The following SPEG variants were observed in gnomAD, a reference collection of about 807,000 sequenced individuals.
The protein encoded by SPEG is striated muscle preferentially expressed protein kinase.
A neutral mutation model predicts 300.4 loss-of-function variants in SPEG; 114 were observed. That is an observed-to-expected ratio of 0.38 (90% CI 0.33 to 0.44). The LOEUF (loss-of-function observed/expected upper bound fraction) is 0.44. Among genes scored for constraint, SPEG ranks in the 20% least tolerant of loss-of-function variants. The pLI is 1.00. For missense variants in SPEG, 4,201 were observed against 4,586.2 expected (o/e 0.92, Z 2.43); for synonymous variants, 1,964 against 2,018.9 (o/e 0.97, Z 0.73).
Position 219,449,240 on chromosome 2 carries a change from TCGC to T in SPEG, c.2085_2087del (p.Arg696del), listed in dbSNP as rs1689554358. The T allele has an allele frequency of 1.2e-5, 16 of 1,390,824 alleles. No homozygotes were observed. Among genetic ancestry groups the T allele is most frequent in the Non-Finnish European group, 1.5e-5 (16 of 1,073,466 alleles). 86.2% of individuals were successfully genotyped at this position (1,390,824 alleles called of 1,614,324 possible). A position where few individuals can be genotyped will look rare whatever the true frequency, so the allele number is the denominator to read the frequency against. ...GAGGGGCCCGCAGCCAGGGCAAAGG[TCGC>T]CGGGCCCGGCCCACCTCCCCTGAGC... On this transcript the variant is annotated inframe_deletion, in exon 4 of 41. Coordinates refer to ENST00000312358, the MANE Select transcript of SPEG (RefSeq NM_005876.5).
intron 6 of SPEG, chr2:219,461,097 A>C: frequency 1.1e-6 from 1 of 901,772 alleles, no homozygotes; most frequent in Non-Finnish European, 1.3e-6. Flanking sequence ...GCAGTCGGAT[A>C]GGAGCCAGCT....
At chr2:219,466,002 C>CGCGCGTGCGTGT in intron 9 of SPEG, 1 of 1,503,662 alleles carries the variant, frequency 6.7e-7, no homozygotes, top group Non-Finnish European at 9.2e-7. Context: ...CGCGTGCGTG[C>CGCGCGTGCGTGT]GCGTATGCTG....
In SPEG at chr2:219,489,138, G is replaced by T; in HGVS notation, c.8234G>T (p.Arg2745Met). Residue 2745 changes from arginine (R) to methionine (M), a missense_variant, in exon 35 of 41, where the codon AGG becomes ATG. Physicochemically the swap from Arg to Met is moderately conservative, Grantham distance 91. This residue lies in a region of SPEG where 1,578 missense variants were observed against 1,506.0 expected (regional missense o/e 1.05). Transcript: ENST00000312358. ...CACCTGCCAGTTGGCGTGACTGTGAGGTTCCGTGTGGCCTGTGCCAACCGT... is the reference window on the plus strand; with the variant it reads ...CACCTGCCAGTTGGCGTGACTGTGATGTTCCGTGTGGCCTGTGCCAACCGT... ...VTHLPVGVTV[R>M]FRVACANRAG... 3 of 1,614,008 alleles carry T rather than the reference G, an allele frequency of 1.9e-6. No homozygotes were observed. The highest frequency in any genetic ancestry group is 1.1e-5 in the South Asian group (1 of 91,090).
intron 6 of SPEG, among the ~76,000 whole-genome samples, chr2:219,455,725 G>T (rs1357159680): frequency 2.6e-5 from 4 of 152,178 alleles, no homozygotes; most frequent in Non-Finnish European, 4.4e-5. Context: ...CTCTGTGGGT[G>T]GGTCCGACTG....
intron 38 of SPEG, 102 bp from the exon 39 acceptor site, chr2:219,491,692 G>A (rs1693984733): frequency 1.1e-6 from 1 of 877,402 alleles, no homozygotes; most frequent in Non-Finnish European, 1.8e-6. Context: ...ATGGTCTGGT[G>A]ACCAGGACAT....
chr2:219,472,049 G>T, intron 14 of SPEG, 62 bp downstream of exon 14: 1 of 1,594,404 alleles, frequency 6.3e-7, no homozygotes, highest in Non-Finnish European at 8.5e-7. Flanking sequence ...CTACGTGGGG[G>T]CTCAGGGAAA....
chr2:219,491,899 C>G lies in SPEG; in HGVS notation c.9461+30C>G, dbSNP rs780690839. 9 of 1,559,368 alleles carry G rather than the reference C, an allele frequency of 5.8e-6. No homozygotes were observed. In the South Asian group the frequency reaches 1.1e-4, roughly 19 times the overall value. The stretch of plus-strand genomic sequence containing the variant: ...GTGTCCCCTACCCCACCGCAGCCCT[C>G]TCTGCCCATACAGTGAGCTCCCGGA... On this transcript the variant is annotated intron_variant, in intron 39 of 40. Transcript: ENST00000312358.
At position 219,451,231 on chromosome 2, in the gene SPEG, G is replaced by A; in HGVS notation, c.2209G>A (p.Ala737Thr). The A allele has an allele frequency of 2.5e-6, 4 of 1,613,860 alleles. No individual in the cohort carries two copies. The highest frequency in any genetic ancestry group is 1.1e-5 in the South Asian group (1 of 91,078). ...PLQNVVVAPG[A>T]DVLLKCIITA... is the part of the protein sequence containing the mutation. Reference sequence around the variant, plus strand: ...GCAGAATGTGGTGGTGGCACCAGGGGCAGATGTGCTGCTCAAGTGTATCAT... The same window carrying A: ...GCAGAATGTGGTGGTGGCACCAGGGACAGATGTGCTGCTCAAGTGTATCAT... Residue 737 changes from alanine to threonine, a missense_variant, in exon 5 of 41, where the codon GCA becomes ACA. Physicochemically the swap from Ala to Thr is moderately conservative, Grantham distance 58 (BLOSUM62 0). Coordinates refer to ENST00000312358, the MANE Select transcript of SPEG (RefSeq NM_005876.5). This position sits in a 1 kb window ranked among gnomAD's most constrained non-coding sequence, Gnocchi z 6.4.
intron 6 of SPEG, chr2:219,461,506 T>C: frequency 9.2e-7 from 1 of 1,092,858 alleles, no homozygotes; most frequent in Non-Finnish European, 1.1e-6. Flanking sequence ...CCCCTGCTTT[T>C]GGAGCCTGCA....
At position 219,464,670 on chromosome 2, in the gene SPEG, C is replaced by T. The variant is rs758070077; in HGVS notation, c.2881+62C>T. ...CCTGGCCCCTTCCTTCCCCCACTGT[C>T]TGCTCTCACACAGCCTCAGTTAGAG... On this transcript the variant is annotated intron_variant, in intron 9 of 40. Transcript: ENST00000312358. This position sits in a 1 kb window ranked among gnomAD's most constrained non-coding sequence, Gnocchi z 4.5. The T allele has an allele frequency of 6.5e-7, 1 of 1,533,600 alleles. No homozygotes were observed. The highest frequency in any genetic ancestry group is 9.0e-7 in the Non-Finnish European group (1 of 1,113,734). The allele number at this position is 1,533,600 out of a possible 1,614,324, so 95.0% of individuals were successfully genotyped here. A position where few individuals can be genotyped will look rare whatever the true frequency, so the allele number is the denominator to read the frequency against.
At position 219,484,512 on chromosome 2, in the gene SPEG, G is replaced by A. The variant is rs1002388757; in HGVS notation, c.7049G>A (p.Arg2350Gln). The A allele has an allele frequency of 3.7e-6, 6 of 1,603,372 alleles. No individual in the cohort carries two copies. In the African/African-American group the frequency reaches 4.0e-5, roughly 11 times the overall value. Residue 2350 changes from arginine to glutamine, a missense_variant, in exon 30 of 41, where the codon CGG (arginine) becomes CAG (glutamine). Arg to Gln is a conservative substitution (Grantham distance 43). Around this residue, in one of 4 missense-constraint regions of SPEG, gnomAD observed 1,578 missense variants for 1,506.0 expected, o/e 1.05. Transcript: ENST00000312358. ...SRESPLSLGL[R>Q]LLSRSRSEER... ...GAGTCGCCCCTGTCGCTGGGGCTGC[G>A]GCTGCTGAGCCGTTCGCGCTCGGAG... is the stretch of plus-strand genomic sequence containing the variant.
Position 219,477,872 on chromosome 2 carries a change from G to C in SPEG, c.4827-33G>C. 6.2e-7 allele frequency: 1 copy of C among 1,609,134 alleles called. No homozygotes were observed. The highest frequency in any genetic ancestry group is 8.5e-7 in the Non-Finnish European group (1 of 1,176,106). ...AGGGGTGGAGAGGGCCACAGTGATG[G>C]CTGATCTCTGACCCCCTCCCTGTGT... On this transcript the variant is annotated intron_variant, in intron 21 of 40. Coordinates refer to ENST00000312358, the MANE Select transcript of SPEG (RefSeq NM_005876.5). This position sits in a 1 kb window ranked among gnomAD's most constrained non-coding sequence, Gnocchi z 6.4.
At position 219,444,825 on chromosome 2, in the gene SPEG, G is replaced by A; in HGVS notation, c.479G>A (p.Gly160Glu). Reference protein sequence around the residue: ...RDDGAFSTPTGGSDTLVGTSL... With the variant: ...RDDGAFSTPTEGSDTLVGTSL... ...AGTCTCACGGTGCTCCTTTCTCTAG[G>A]GGGTTCTGACACCCTGGTGGGCACC... The change falls in exon 3 of 41, where the codon GGG becomes GAG. Residue 160 changes from glycine to glutamate, a missense_variant and splice_region_variant. Physicochemically the swap from Gly to Glu is moderately conservative, Grantham distance 98 (BLOSUM62 -2). Transcript: ENST00000312358. The surrounding 1 kb of genome is among the most constrained non-coding windows in gnomAD (Gnocchi z 7.8). The A allele has an allele frequency of 6.3e-7, 1 of 1,594,732 alleles. No homozygotes were observed. Among genetic ancestry groups the A allele is most frequent in the South Asian group, 1.1e-5 (1 of 87,908 alleles).
chr2:219,486,751 G>A (rs888047828), intron 31 of SPEG, among the ~76,000 whole-genome samples: 2 of 152,110 alleles, frequency 1.3e-5, no homozygotes, highest in Admixed American at 1.3e-4. Flanking sequence ...GGTGGGGCTG[G>A]CGGGGCTGGC....
At chr2:219,470,997 G>T (rs367962243) in intron 13 of SPEG, among the ~76,000 whole-genome samples, 1 of 152,046 alleles carries the variant, frequency 6.6e-6, no homozygotes. Context: ...ATCTGACAAC[G>T]TCAGCCCTCT....
rs745940837 is a variant in SPEG, at chr2:219,448,295, G to T, written c.1137G>T (p.Glu379Asp). 19 of 1,609,172 alleles carry T rather than the reference G, an allele frequency of 1.2e-5. No homozygotes were observed. The highest frequency in any genetic ancestry group is 1.6e-5 in the Non-Finnish European group (19 of 1,178,576). Reference protein sequence around the residue: ...AESRPQTPLSEASGRLSALGR... With the variant: ...AESRPQTPLSDASGRLSALGR... The stretch of plus-strand genomic sequence containing the variant: ...CCCGACCCCAGACGCCACTGAGCGA[G>T]GCCTCAGGCCGCCTGTCGGCGTTGG... The change falls in exon 4 of 41, where the codon GAG (glutamate) becomes GAT (aspartate). Residue 379 changes from glutamate (E) to aspartate (D), a missense_variant. By Grantham distance (45) the Glu-to-Asp change is conservative. This residue lies in a region of SPEG where 1,258 missense variants were observed against 1,293.9 expected (regional missense o/e 0.97). Transcript: ENST00000312358.
chr2:219,437,186 T>G (rs1269621727), intron 1 of SPEG: 1 of 152,238 alleles, frequency 6.6e-6, no homozygotes, highest in Non-Finnish European at 1.5e-5. Flanking sequence ...CTTGTACTCC[T>G]CAAGAAGTTC....
In SPEG at chr2:219,481,646, C is replaced by T; in HGVS notation, c.5531C>T (p.Thr1844Ile). The change falls in exon 28 of 41, where the codon ACC (threonine) becomes ATC (isoleucine). Residue 1844 changes from threonine to isoleucine, a missense_variant. Thr to Ile is a moderately conservative substitution (Grantham distance 89). Around this residue, in one of 4 missense-constraint regions of SPEG, gnomAD observed 1,047 missense variants for 1,356.8 expected, o/e 0.77. Transcript: ENST00000312358. This position sits in a 1 kb window ranked among gnomAD's most constrained non-coding sequence, Gnocchi z 5.4. ...KVLVQDRLRP[T>I]AEETLEHPWF... ...TCCTCATTCATTCACAGGAGACCTACCGCAGAAGAGACCCTAGAACATCCT... is the reference window on the plus strand; with the variant it reads ...TCCTCATTCATTCACAGGAGACCTATCGCAGAAGAGACCCTAGAACATCCT... 2 of 1,614,148 alleles carry T rather than the reference C, an allele frequency of 1.2e-6. No homozygotes were observed. The highest frequency in any genetic ancestry group is 1.1e-5 in the South Asian group (1 of 91,082).
intron 1 of SPEG, among the ~76,000 whole-genome samples, chr2:219,436,037 C>A (rs1308260983): frequency 6.6e-6 from 1 of 152,148 alleles, no homozygotes; most frequent in Admixed American, 6.5e-5. Context: ...GCCCTGGATT[C>A]TGTGTGGTGG....
Sources: allele counts gnomAD v4.1 joint callset (sites outside exome capture counted in the v4.1 genomes callset), GRCh38; gene constraint gnomAD v4.1.1; regional missense constraint gnomAD v4.1.1; non-coding constraint Gnocchi (gnomAD v3.1); transcripts MANE v1.5; gene names NCBI Gene and HGNC (gene_info 2026-07-23, HGNC 2026-07-21).